The following URB2 variants were observed in gnomAD, a reference collection of about 807,000 sequenced individuals.
The protein encoded by URB2 is URB2 ribosome biogenesis homolog.
A neutral mutation model predicts 120.9 loss-of-function variants in URB2; 86 were observed. The ratio of observed to expected loss-of-function variants is 0.71; its 90% confidence interval spans 0.60 to 0.85. The LOEUF (loss-of-function observed/expected upper bound fraction) is 0.85, where lower values mean the gene tolerates loss of function less well. Among genes scored for constraint, URB2 ranks in the 40% least tolerant of loss-of-function variants. The pLI is 0.00. For synonymous variants in URB2, 755 were observed against 758.4 expected (o/e 1.00, Z 0.07); for missense variants, 1,765 against 1,836.5 (o/e 0.96, Z 0.71).
Position 229,659,382 on chromosome 1 carries a change from A to C in URB2, c.*85A>C. 1 of 1,420,402 alleles carries C rather than the reference A, an allele frequency of 7.0e-7. No homozygotes were observed. Among genetic ancestry groups the C allele is most frequent in the East Asian group, 2.3e-5 (1 of 43,368 alleles). 88.0% of individuals were successfully genotyped at this position (1,420,402 alleles called of 1,614,324 possible). On this transcript the variant is annotated 3_prime_UTR_variant, in exon 10 of 10. Coordinates refer to ENST00000258243, the MANE Select transcript of URB2 (RefSeq NM_014777.4). ...AAAGAGCTGGAGAATGAAAGACTTAAGATGTTCTAATTCGTAGTATTGGTA... is the reference window on the plus strand; with the variant it reads ...AAAGAGCTGGAGAATGAAAGACTTACGATGTTCTAATTCGTAGTATTGGTA...
intron 3 of URB2, 122 bp downstream of exon 3, chr1:229,632,567 G>T (rs774924068): frequency 5.1e-6 from 4 of 781,130 alleles, no homozygotes; most frequent in Non-Finnish European, 7.3e-6. Context: ...AGGAGAAAAA[G>T]GATGTAATAT....
intron 4 of URB2, among the ~76,000 whole-genome samples, chr1:229,639,891 CT>C (rs1571874833): frequency 6.6e-6 from 1 of 152,142 alleles, no homozygotes; most frequent in Non-Finnish European, 1.5e-5. Flanking sequence ...TACAGCCCCC[CT>C]GGTGAAAGGT....
chr1:229,637,177 G>C lies in URB2; in HGVS notation c.2564G>C (p.Arg855Thr), dbSNP rs1377514107. The change falls in exon 4 of 10, where the codon AGA (arginine) becomes ACA (threonine). Residue 855 changes from arginine (R) to threonine (T), a missense_variant. Coordinates refer to ENST00000258243, the MANE Select transcript of URB2 (RefSeq NM_014777.4). ...DHMVVGHWEN[R>T]FAKAGPEGIE... ...ATGGTTGTGGGTCATTGGGAAAACA[G>C]ATTTGCAAAAGCTGGACCCGAAGGT... 1 of 1,613,866 alleles carries C rather than the reference G, an allele frequency of 6.2e-7. No homozygotes were observed. Among genetic ancestry groups the C allele is most frequent in the Admixed American group, 1.7e-5 (1 of 60,002 alleles).
intron 5 of URB2, among the ~76,000 whole-genome samples, chr1:229,645,014 G>A (rs545996453): frequency 4.0e-4 from 61 of 152,104 alleles, no homozygotes; most frequent in Non-Finnish European, 6.3e-4. Flanking sequence ...GGCCGGGTGC[G>A]GTGGCTCATG....
At chr1:229,653,004 C>T (rs1254297768) in intron 8 of URB2, among the ~76,000 whole-genome samples, 2 of 152,180 alleles carry the variant, frequency 1.3e-5, no homozygotes, top group African/African-American at 4.8e-5. Context: ...ATCTAATATG[C>T]TCTTTCTAAT....
At chr1:229,653,894 A>C (rs1001332581) in intron 8 of URB2, among the ~76,000 whole-genome samples, 3 of 140,198 alleles carry the variant, frequency 2.1e-5, no homozygotes, top group Admixed American at 7.1e-5. Flanking sequence ...ATAATTTTCA[A>C]TTTGTTTTCC....
At chr1:229,651,804 A>G (rs1666280614) in intron 8 of URB2, among the ~76,000 whole-genome samples, 1 of 152,218 alleles carries the variant, frequency 6.6e-6, no homozygotes, top group African/African-American at 2.4e-5. Flanking sequence ...ATATGGCAAT[A>G]GCATATATTA....
chr1:229,645,824 ATC>A (rs776087146), intron 5 of URB2, 33 bp from the exon 6 acceptor site: 2 of 1,577,102 alleles, frequency 1.3e-6, no homozygotes, highest in African/African-American at 2.7e-5. Flanking sequence ...AGAACACGCT[ATC>A]TCTGCCGCTA....
At chr1:229,653,124 A>G (rs1223889755) in intron 8 of URB2, among the ~76,000 whole-genome samples, 1 of 152,252 alleles carries the variant, frequency 6.6e-6, no homozygotes, top group Non-Finnish European at 1.5e-5. Flanking sequence ...AATGTTAGAT[A>G]TTAAAGCATA....
At chr1:229,652,825 C>T (rs1183932051) in intron 8 of URB2, among the ~76,000 whole-genome samples, 2 of 152,220 alleles carry the variant, frequency 1.3e-5, no homozygotes, top group Non-Finnish European at 1.5e-5. Flanking sequence ...ACAGGCATGT[C>T]CTTTGTCATG....
In URB2 at chr1:229,632,791, G is replaced by C. The variant is rs547903635; in HGVS notation, c.303+346G>C. Reference sequence around the variant, plus strand: ...AGAGGGAGATCAAAGGCCAAAATCCGGACAGGAATTTCCTCAAAGGTTTTT... The same window carrying C: ...AGAGGGAGATCAAAGGCCAAAATCCCGACAGGAATTTCCTCAAAGGTTTTT... On this transcript the variant is annotated intron_variant, in intron 3 of 9. Transcript: ENST00000258243. 8.6e-5 allele frequency among the ~76,000 whole-genome samples: 13 copies of C among 150,382 alleles called. No homozygotes were observed. In the South Asian group the frequency reaches 1.3e-3, roughly 15 times the overall value.
intron 4 of URB2, among the ~76,000 whole-genome samples, chr1:229,641,727 C>G (rs188573827): frequency 2.0e-5 from 3 of 152,298 alleles, no homozygotes; most frequent in Non-Finnish European, 2.9e-5. Context: ...ATCAACACTT[C>G]TAAAAATGCT....
In URB2 at chr1:229,635,119, T is replaced by G; in HGVS notation, c.506T>G (p.Leu169Trp). The stretch of plus-strand genomic sequence containing the variant: ...CCCGAAGGAGCTGTGGTAGCCCAGT[T>G]GTTTGAGGTCATTCACCTGGCCCTT... Reference protein sequence around the residue: ...RQPEGAVVAQLFEVIHLALGH... With the variant: ...RQPEGAVVAQWFEVIHLALGH... Residue 169 changes from leucine (L) to tryptophan (W), a missense_variant, in exon 4 of 10, where the codon TTG becomes TGG. Leu to Trp is a moderately conservative substitution (Grantham distance 61, BLOSUM62 -2). Coordinates refer to ENST00000258243, the MANE Select transcript of URB2 (RefSeq NM_014777.4). The G allele has an allele frequency of 6.2e-7, 1 of 1,614,076 alleles. No homozygotes were observed. Among genetic ancestry groups the G allele is most frequent in the Non-Finnish European group, 8.5e-7 (1 of 1,179,992 alleles).
chr1:229,627,346 A>G (rs190388197), intron 1 of URB2, among the ~76,000 whole-genome samples: 306 of 152,352 alleles, frequency 2.0e-3, no homozygotes, highest in Non-Finnish European at 3.4e-3. Context: ...CCTTTGTGGA[A>G]GTGATGTTTG....
intron 2 of URB2, among the ~76,000 whole-genome samples, chr1:229,630,310 G>A (rs1665626706): frequency 6.6e-6 from 1 of 152,186 alleles, no homozygotes; most frequent in African/African-American, 2.4e-5. Flanking sequence ...AGTACTCCTT[G>A]ATCATGGGTT....
chr1:229,637,777 T>C lies in URB2; in HGVS notation c.3164T>C (p.Leu1055Pro). The part of the protein sequence containing the change: ...LENQNPQGRQ[L>P]LLVSLTRLCH... The stretch of plus-strand genomic sequence containing the variant: ...AATCAGAACCCCCAGGGCAGGCAGC[T>C]CCTTCTGGTGTCTTTAACCAGGTTG... Residue 1055 changes from leucine to proline, a missense_variant, in exon 4 of 10, where the codon CTC becomes CCC. Leu to Pro is a moderately conservative substitution (Grantham distance 98). Transcript: ENST00000258243. The C allele has an allele frequency of 6.2e-7, 1 of 1,614,046 alleles. No individual in the cohort carries two copies. Among genetic ancestry groups the C allele is most frequent in the East Asian group, 2.2e-5 (1 of 44,888 alleles).
chr1:229,638,812 C>T (rs1366894541), intron 4 of URB2, among the ~76,000 whole-genome samples: 1 of 152,196 alleles, frequency 6.6e-6, no homozygotes, highest in Non-Finnish European at 1.5e-5. Context: ...GTATGTTGCT[C>T]TGCACCTCAG....
At chr1:229,647,380 C>A in intron 6 of URB2, 130 bp from the exon 7 acceptor site, 1 of 1,125,670 alleles carries the variant, frequency 8.9e-7, no homozygotes, top group Non-Finnish European at 1.2e-6. Context: ...TAGTATTTAA[C>A]GGCCCACGGA....
intron 2 of URB2, among the ~76,000 whole-genome samples, chr1:229,629,012 G>A (rs1665598116): frequency 6.6e-6 from 1 of 152,232 alleles, no homozygotes; most frequent in Admixed American, 6.5e-5. Context: ...GGAGGCTCTA[G>A]CAGCCAATTG....
Sources: allele counts gnomAD v4.1 joint callset (sites outside exome capture counted in the v4.1 genomes callset), GRCh38; gene constraint gnomAD v4.1.1; transcripts MANE v1.5; gene names NCBI Gene and HGNC (gene_info 2026-07-23, HGNC 2026-07-21).